PRKN: variants seen among roughly 807,000 people sequenced by gnomAD.
PRKN encodes parkin RBR E3 ubiquitin protein ligase.
PRKN carries 56 observed loss-of-function variants against 59.5 expected under a neutral mutation model. The observed-to-expected ratio is 0.94, with a 90% CI of 0.76 to 1.18. PRKN has a LOEUF of 1.18. PRKN is among the 50% of genes most tolerant of loss of function. PRKN has a pLI of 0.00. For missense variants in PRKN, 657 were observed against 596.4 expected (o/e 1.10, Z -1.06); for synonymous variants, 250 against 222.1 (o/e 1.13, Z -1.12).
intron 7 of PRKN, among the ~76,000 whole-genome samples, chr6:161,678,772 G>T (rs1057128355): frequency 1.4e-4 from 21 of 152,108 alleles, no homozygotes; most frequent in African/African-American, 4.6e-4. Context: ...TCACCACATT[G>T]CCCAGGCTAG....
chr6:161,971,337 G>A (rs1780798700), intron 6 of PRKN, among the ~76,000 whole-genome samples: 1 of 152,164 alleles, frequency 6.6e-6, no homozygotes, highest in Non-Finnish European at 1.5e-5. Flanking sequence ...TTAATGTCAT[G>A]TTTACCAACC....
chr6:161,763,574 C>T (rs888941909), intron 7 of PRKN, among the ~76,000 whole-genome samples: 26 of 152,086 alleles, frequency 1.7e-4, no homozygotes, highest in Admixed American at 1.4e-3. Flanking sequence ...GCATCTGTTT[C>T]TGTCTCTGTT....
intron 7 of PRKN, among the ~76,000 whole-genome samples, chr6:161,762,989 A>G (rs568792275): frequency 5.1e-4 from 78 of 152,348 alleles, no homozygotes; most frequent in Admixed American, 1.3e-3. Flanking sequence ...AGATAAAGAG[A>G]GCATATAGAA....
intron 1 of PRKN, among the ~76,000 whole-genome samples, chr6:162,496,103 G>A (rs1360499040): frequency 6.6e-6 from 1 of 152,074 alleles, no homozygotes; most frequent in Non-Finnish European, 1.5e-5. Flanking sequence ...CAGGCATGGT[G>A]GCGAGCACCT....
intron 5 of PRKN, among the ~76,000 whole-genome samples, chr6:161,991,686 A>G (rs1174576895): frequency 2.0e-5 from 3 of 151,990 alleles, no homozygotes; most frequent in African/African-American, 7.3e-5. Context: ...TACTAAACAT[A>G]CAAAAAATTA....
chr6:161,716,070 C>G (rs1382742380), intron 7 of PRKN: 1 of 857,006 alleles, frequency 1.2e-6, no homozygotes, highest in Non-Finnish European at 1.5e-6. Flanking sequence ...CTGGGCCCAT[C>G]TTACCGACTC....
intron 5 of PRKN, among the ~76,000 whole-genome samples, chr6:162,040,171 C>T (rs979533534): frequency 3.3e-5 from 5 of 152,136 alleles, no homozygotes; most frequent in Non-Finnish European, 7.4e-5. Context: ...CATCTCTCTC[C>T]ATTTCCATGT....
chr6:162,328,158 A>G (rs1285017845), intron 2 of PRKN, among the ~76,000 whole-genome samples: 1 of 152,162 alleles, frequency 6.6e-6, no homozygotes, highest in Non-Finnish European at 1.5e-5. Context: ...CAAGAGATCA[A>G]GACCATCCTG....
At chr6:161,813,784 C>T (rs1175987366) in intron 6 of PRKN, among the ~76,000 whole-genome samples, 1 of 152,182 alleles carries the variant, frequency 6.6e-6, no homozygotes, top group Non-Finnish European at 1.5e-5. Flanking sequence ...TTCCTCTCCT[C>T]CATGCCTCCT....
intron 1 of PRKN, among the ~76,000 whole-genome samples, chr6:162,589,217 T>C (rs1781198889): frequency 6.6e-6 from 1 of 152,182 alleles, no homozygotes; most frequent in Non-Finnish European, 1.5e-5. Flanking sequence ...TTGAGATAGT[T>C]CACATGGGGT....
At chr6:162,138,639 C>T (rs978570078) in intron 4 of PRKN, among the ~76,000 whole-genome samples, 1 of 151,964 alleles carries the variant, frequency 6.6e-6, no homozygotes, top group African/African-American at 2.4e-5. Flanking sequence ...TACAAACATG[C>T]TCCATATGTC....
chr6:161,700,759 ATAAGGAC>A (rs1786219110), intron 7 of PRKN, among the ~76,000 whole-genome samples: 8 of 152,174 alleles, frequency 5.3e-5, no homozygotes, highest in Non-Finnish European at 7.3e-5. Flanking sequence ...GTGTTTTAGG[ATAAGGAC>A]ATTTGGAATT....
chr6:161,508,041 G>A (rs572064838), intron 9 of PRKN, among the ~76,000 whole-genome samples: 2 of 152,242 alleles, frequency 1.3e-5, no homozygotes, highest in South Asian at 2.1e-4. Flanking sequence ...AGGGAAACAC[G>A]TTGCTAATAG....
At position 161,733,783 on chromosome 6, in the gene PRKN, A is replaced by AAT. The variant is rs1554298473; in HGVS notation, c.871+51987_871+51988dup. Among the ~76,000 whole-genome samples, 159 of 86,182 alleles carry AAT rather than the reference A, an allele frequency of 1.8e-3. 4 individuals carry two copies. The highest frequency in any genetic ancestry group is 0.012 in the African/African-American group (137 of 11,404). 56.5% of individuals were successfully genotyped at this position (86,182 alleles called of 152,430 possible). On this transcript the variant is annotated intron_variant, in intron 7 of 11. Transcript: ENST00000366898. ...TTCCCAGGGGGTGAAAAAAAAAAAA[A>AAT]ATATATATATATATGTATATATATA...
chr6:162,238,422 T>A (rs958425488), intron 3 of PRKN, among the ~76,000 whole-genome samples: 1 of 152,228 alleles, frequency 6.6e-6, no homozygotes, highest in Non-Finnish European at 1.5e-5. Context: ...TTCAGAAGTA[T>A]GTTGTCATTA....
At chr6:162,670,129 G>C (rs1779263202) in intron 1 of PRKN, among the ~76,000 whole-genome samples, 1 of 152,116 alleles carries the variant, frequency 6.6e-6, no homozygotes, top group Admixed American at 6.5e-5. Flanking sequence ...TTACATGTAT[G>C]CAAGTACACA....
Position 162,038,400 on chromosome 6 carries a change from T to C in PRKN, c.618+15691A>G, listed in dbSNP as rs1397627102. On this transcript the variant is annotated intron_variant, in intron 5 of 11. Transcript: ENST00000366898. The stretch of plus-strand genomic sequence containing the variant: ...AACTATGGTCATAATAACTACAATT[T>C]ATTGATCCCTTACAATGACAGGCTC... Among the ~76,000 whole-genome samples, 5 of 152,166 alleles carry C rather than the reference T, an allele frequency of 3.3e-5. No individual in the cohort carries two copies. In the East Asian group the frequency reaches 9.6e-4, roughly 29 times the overall value.
intron 2 of PRKN, among the ~76,000 whole-genome samples, chr6:162,389,007 GAAAAA>G (rs71278564): frequency 9.6e-6 from 1 of 104,166 alleles, no homozygotes; most frequent in African/African-American, 3.6e-5. Context: ...AGTTCCTCCA[GAAAAA>G]AAAAAAAAAA....
At chr6:161,945,503 T>C (rs1226626868) in intron 6 of PRKN, among the ~76,000 whole-genome samples, 1 of 152,184 alleles carries the variant, frequency 6.6e-6, no homozygotes, top group Admixed American at 6.5e-5. Flanking sequence ...TTCTGCCTTC[T>C]CCCAAGCTTT....
Sources: allele counts gnomAD v4.1 joint callset (sites outside exome capture counted in the v4.1 genomes callset), GRCh38; gene constraint gnomAD v4.1.1; transcripts MANE v1.5; gene names NCBI Gene and HGNC (gene_info 2026-07-23, HGNC 2026-07-21).